The following DSCAM variants were observed in gnomAD, a reference collection of about 807,000 sequenced individuals.
The protein encoded by DSCAM is cell adhesion molecule DSCAM.
In DSCAM, 47 loss-of-function variants were observed where a neutral mutation model predicts 217.7. That is an observed-to-expected ratio of 0.22 (90% CI 0.17 to 0.28). The LOEUF is 0.28. Ranked by LOEUF, DSCAM falls within the 10% of genes least tolerant of loss-of-function variation. The pLI is 1.00. For synonymous variants in DSCAM, 1,056 were observed against 1,015.3 expected, an observed-to-expected ratio of 1.04 and a Z score of -0.76; for missense variants, 2,080 against 2,618.3, an observed-to-expected ratio of 0.79 and a Z score of 4.49.
At chr21:40,253,428 T>C (rs559045042) in intron 11 of DSCAM, among the ~76,000 whole-genome samples, 37 of 152,278 alleles carry the variant, frequency 2.4e-4, no homozygotes, top group Non-Finnish European at 3.4e-4. Flanking sequence ...GTGATAGAAA[T>C]GTCTTCAGTT....
intron 1 of DSCAM, among the ~76,000 whole-genome samples, chr21:40,801,862 G>A (rs887903650): frequency 1.3e-5 from 2 of 152,180 alleles, no homozygotes; most frequent in African/African-American, 4.8e-5. Context: ...CAAAAGCTTG[G>A]GGGCCCAGGC....
At chr21:40,208,114 T>C (rs1213223052) in intron 11 of DSCAM, among the ~76,000 whole-genome samples, 3 of 152,134 alleles carry the variant, frequency 2.0e-5, no homozygotes, top group Non-Finnish European at 2.9e-5. Flanking sequence ...CATGGAGTAA[T>C]AGATTTAGTG....
In DSCAM at chr21:40,240,349, G is replaced by GTTTTTTTTT. The variant is rs749073872; in HGVS notation, c.2356+35739_2356+35747dup. 1.3e-3 allele frequency among the ~76,000 whole-genome samples: 77 copies of GTTTTTTTTT among 57,730 alleles called. 11 individuals carry two copies. The highest frequency in any genetic ancestry group is 3.8e-3 in the African/African-American group (49 of 12,986). The allele number at this position is 57,730 out of a possible 152,430, so 37.9% of individuals were successfully genotyped here. A position where few individuals can be genotyped will look rare whatever the true frequency, so the allele number is the denominator to read the frequency against. ...AGCTACTGCAGTAGCTTCCTCACTG[G>GTTTTTTTTT]TTTTTTTTTTTTTTTTTTTTTTTTG... On this transcript the variant is annotated intron_variant, in intron 11 of 32. Coordinates refer to ENST00000400454, the MANE Select transcript of DSCAM (RefSeq NM_001389.5).
chr21:40,375,392 A>G (rs1383537976), intron 3 of DSCAM, among the ~76,000 whole-genome samples: 2 of 152,228 alleles, frequency 1.3e-5, no homozygotes, highest in African/African-American at 4.8e-5. Context: ...CCATATCTCC[A>G]AAAGCTTCCA....
At chr21:40,420,599 A>G (rs2075414588) in intron 3 of DSCAM, among the ~76,000 whole-genome samples, 1 of 152,188 alleles carries the variant, frequency 6.6e-6, no homozygotes, top group Non-Finnish European at 1.5e-5. Flanking sequence ...TCCTACCACC[A>G]GTATCTCAGA....
chr21:40,842,634 C>T (rs1050519410), intron 1 of DSCAM, among the ~76,000 whole-genome samples: 2 of 152,130 alleles, frequency 1.3e-5, no homozygotes, highest in Non-Finnish European at 2.9e-5. Flanking sequence ...AGTCTCTTGT[C>T]GAAATACTCC....
intron 3 of DSCAM, among the ~76,000 whole-genome samples, chr21:40,589,768 G>A (rs550988650): frequency 6.6e-6 from 1 of 152,066 alleles, no homozygotes. Context: ...TAGCATGTGC[G>A]GTCATTACAA....
At chr21:40,291,394 A>G (rs1370367772) in intron 10 of DSCAM, among the ~76,000 whole-genome samples, 2 of 152,206 alleles carry the variant, frequency 1.3e-5, no homozygotes, top group African/African-American at 2.4e-5. Context: ...CAGCAGCTGA[A>G]GAGACCGCAT....
Position 40,435,247 on chromosome 21 carries a change from G to A in DSCAM, c.509-66002C>T, listed in dbSNP as rs570354841. ...GCTTAAAGGAAAATCCTGTGAGCCC[G>A]CAGCTGCTCAAAGTGCAGCCTTGTT... On this transcript the variant is annotated intron_variant, in intron 3 of 32. Coordinates refer to ENST00000400454, the MANE Select transcript of DSCAM (RefSeq NM_001389.5). Among the ~76,000 whole-genome samples the A allele has an allele frequency of 1.7e-4, 26 of 152,332 alleles. 1 individual carries two copies. The highest frequency in any genetic ancestry group is 1.5e-3 in the South Asian group (7 of 4,824).
At chr21:40,527,580 T>C (rs2076410027) in intron 3 of DSCAM, among the ~76,000 whole-genome samples, 1 of 152,214 alleles carries the variant, frequency 6.6e-6, no homozygotes, top group Admixed American at 6.5e-5. Flanking sequence ...AACTCATGAC[T>C]GAACCTAGCT....
At chr21:40,241,488 T>G (rs1351585615) in intron 11 of DSCAM, among the ~76,000 whole-genome samples, 1 of 152,054 alleles carries the variant, frequency 6.6e-6, no homozygotes, top group Non-Finnish European at 1.5e-5. Context: ...CTAAAAAAAA[T>G]AACAGGTGCC....
At chr21:40,476,478 T>C (rs1260696656) in intron 3 of DSCAM, among the ~76,000 whole-genome samples, 3 of 152,210 alleles carry the variant, frequency 2.0e-5, no homozygotes, top group Admixed American at 6.5e-5. Flanking sequence ...CATAATAATA[T>C]TGATGATGAT....
chr21:40,234,099 G>A (rs528331716), intron 11 of DSCAM, among the ~76,000 whole-genome samples: 185 of 152,318 alleles, frequency 1.2e-3, no homozygotes, highest in Non-Finnish European at 1.5e-3. Flanking sequence ...TGGCTAGCAC[G>A]GAACATGGCT....
chr21:40,451,023 G>A (rs1265186193), intron 3 of DSCAM, among the ~76,000 whole-genome samples: 1 of 152,190 alleles, frequency 6.6e-6, no homozygotes, highest in Non-Finnish European at 1.5e-5. Flanking sequence ...TGTATGCCTT[G>A]TCCTTCAAGG....
At chr21:40,529,972 T>A (rs1263490057) in intron 3 of DSCAM, among the ~76,000 whole-genome samples, 1 of 152,224 alleles carries the variant, frequency 6.6e-6, no homozygotes, top group Non-Finnish European at 1.5e-5. Context: ...AAACAATTTC[T>A]ATGTCACAGA....
At chr21:40,465,015 A>G (rs146471380) in intron 3 of DSCAM, among the ~76,000 whole-genome samples, 1 of 152,232 alleles carries the variant, frequency 6.6e-6, no homozygotes, top group East Asian at 1.9e-4. Flanking sequence ...CTGGGATTAC[A>G]GGTGTGAGCC....
At chr21:40,551,637 A>G (rs1353801182) in intron 3 of DSCAM, among the ~76,000 whole-genome samples, 2 of 152,212 alleles carry the variant, frequency 1.3e-5, no homozygotes, top group Non-Finnish European at 2.9e-5. Context: ...GCTTTGCAGA[A>G]CCATTTCCAA....
intron 20 of DSCAM, among the ~76,000 whole-genome samples, chr21:40,108,518 G>T (rs1235835224): frequency 6.6e-6 from 1 of 152,092 alleles, no homozygotes; most frequent in Non-Finnish European, 1.5e-5. Context: ...CAAACAAATG[G>T]AAAAACATTT....
chr21:40,194,375 A>G (rs573617925), intron 11 of DSCAM, among the ~76,000 whole-genome samples: 74 of 152,314 alleles, frequency 4.9e-4, no homozygotes, highest in Non-Finnish European at 9.0e-4. Flanking sequence ...CACTTGTCAC[A>G]GTTATGGATG....
Sources: gnomAD v4.1 joint callset for allele counts (sites outside exome capture counted in the v4.1 genomes callset) on GRCh38, gnomAD v4.1.1 for gene constraint, MANE v1.5 for transcripts, NCBI Gene and HGNC (gene_info 2026-07-23, HGNC 2026-07-21) for gene names.